The following KREMEN1 variants were observed in gnomAD, a reference collection of about 807,000 sequenced individuals.
KREMEN1 encodes the protein kremen protein 1.
In KREMEN1, 30 loss-of-function variants were observed where a neutral mutation model predicts 46.5. The ratio of observed to expected loss-of-function variants is 0.65; its 90% CI spans 0.48 to 0.88. The LOEUF is 0.88. Among genes scored for constraint, KREMEN1 ranks in the 40% least tolerant of loss-of-function variants. The pLI is 0.00. For missense variants in KREMEN1, 533 were observed against 596.9 expected, an observed-to-expected ratio of 0.89 and a Z score of 1.11; for synonymous variants, 214 against 230.6, an observed-to-expected ratio of 0.93 and a Z score of 0.65.
At chr22:29,167,418 G>A in exon 10 of KREMEN1, 1 of 337,722 alleles carries the variant, frequency 3.0e-6, no homozygotes, top group Non-Finnish European at 5.6e-6. Flanking sequence ...AGAACTGTGT[G>A]ACTCACTTGA....
At chr22:29,116,207 T>C (rs1435259950) in intron 3 of KREMEN1, among the ~76,000 whole-genome samples, 6 of 152,142 alleles carry the variant, frequency 3.9e-5, no homozygotes, top group Admixed American at 3.3e-4. Flanking sequence ...GTTTGCTAAC[T>C]AGATTAGAGT....
chr22:29,079,130 A>G (rs990545114), intron 1 of KREMEN1, among the ~76,000 whole-genome samples: 1 of 152,356 alleles, frequency 6.6e-6, no homozygotes, highest in African/African-American at 2.4e-5. Flanking sequence ...GAAAGAGGCC[A>G]TCGCAAAAAA....
chr22:29,081,293 A>G lies in KREMEN1; in HGVS notation c.97+8066A>G, dbSNP rs543566036. ...GTGTTTCAGAAACCTTAATTCAGTA[A>G]GGGGGTCTGTGATTCACTGTGTCTT... is the stretch of plus-strand genomic sequence containing the variant. On this transcript the variant is annotated intron_variant, in intron 1 of 8. Transcript: ENST00000400335. Among the ~76,000 whole-genome samples, 571 of 152,244 alleles carry G rather than the reference A, an allele frequency of 3.8e-3. 1 individual carries two copies. The highest frequency in any genetic ancestry group is 0.017 in the Middle Eastern group (5 of 294).
At chr22:29,123,964 A>T (rs965656883) in intron 4 of KREMEN1, among the ~76,000 whole-genome samples, 2 of 152,214 alleles carry the variant, frequency 1.3e-5, no homozygotes, top group African/African-American at 4.8e-5. Flanking sequence ...TGGGACTTTC[A>T]TATATTGTTG....
At chr22:29,166,847 C>T (rs900763968) in intron 9 of KREMEN1, among the ~76,000 whole-genome samples, 3 of 152,152 alleles carry the variant, frequency 2.0e-5, no homozygotes, top group African/African-American at 7.2e-5. Context: ...GCAGGAAGAT[C>T]GCTGGAGTCC....
intron 2 of KREMEN1, 100 bp downstream of exon 2, chr22:29,094,520 ACCAAC>A: frequency 4.8e-6 from 5 of 1,031,906 alleles, no homozygotes; most frequent in Non-Finnish European, 7.0e-6. Flanking sequence ...AAGTCTTTTG[ACCAAC>A]TCAAGAGACT....
At chr22:29,094,074 T>C (rs2037840927) in intron 1 of KREMEN1, among the ~76,000 whole-genome samples, 184 bp from the exon 2 acceptor site, 1 of 152,220 alleles carries the variant, frequency 6.6e-6, no homozygotes, top group South Asian at 2.1e-4. Context: ...TTAGCCTAGC[T>C]TTTTGAGGGT....
At chr22:29,122,532 A>C (rs1325752435) in intron 4 of KREMEN1, among the ~76,000 whole-genome samples, 1 of 152,238 alleles carries the variant, frequency 6.6e-6, no homozygotes, top group African/African-American at 2.4e-5. Flanking sequence ...AGCATTATTC[A>C]TAATAGCTCC....
intron 1 of KREMEN1, among the ~76,000 whole-genome samples, chr22:29,081,386 A>G (rs1192647020): frequency 6.6e-6 from 1 of 152,228 alleles, no homozygotes; most frequent in African/African-American, 2.4e-5. Context: ...AGATTCAGAC[A>G]AACACCAAAT....
At chr22:29,124,549 GTGA>G in intron 4 of KREMEN1, among the ~76,000 whole-genome samples, 1 of 151,678 alleles carries the variant, frequency 6.6e-6, no homozygotes, top group South Asian at 2.1e-4. Flanking sequence ...CTGCAGTGCA[GTGA>G]TGCAGTCTCG....
At chr22:29,081,766 A>C (rs1292505054) in intron 1 of KREMEN1, among the ~76,000 whole-genome samples, 1 of 152,200 alleles carries the variant, frequency 6.6e-6, no homozygotes, top group African/African-American at 2.4e-5. Context: ...AGTACTTATC[A>C]AATTCCTCCT....
At chr22:29,157,966 C>T (rs973406132) in intron 9 of KREMEN1, among the ~76,000 whole-genome samples, 1 of 152,184 alleles carries the variant, frequency 6.6e-6, no homozygotes, top group African/African-American at 2.4e-5. Flanking sequence ...TTACAGGTCA[C>T]ATGGTCTCAC....
At chr22:29,082,844 T>G (rs1238151114) in intron 1 of KREMEN1, among the ~76,000 whole-genome samples, 1 of 152,236 alleles carries the variant, frequency 6.6e-6, no homozygotes. Flanking sequence ...TTTGTTTTTG[T>G]GTTTTCTTTA....
chr22:29,150,225 G>A (rs868838247), downstream of KREMEN1, among the ~76,000 whole-genome samples: 4 of 152,210 alleles, frequency 2.6e-5, no homozygotes, highest in East Asian at 1.9e-4. Context: ...AACTGGTGGG[G>A]GGGGGGGCAG....
chr22:29,163,282 T>C (rs2039028068), intron 9 of KREMEN1, among the ~76,000 whole-genome samples: 1 of 152,190 alleles, frequency 6.6e-6, no homozygotes, highest in Non-Finnish European at 1.5e-5. Context: ...TCCGCCATGC[T>C]TGTAAGTTTC....
intron 2 of KREMEN1, among the ~76,000 whole-genome samples, chr22:29,095,994 T>C (rs2037877787): frequency 6.6e-6 from 1 of 152,190 alleles, no homozygotes; most frequent in African/African-American, 2.4e-5. Context: ...GACAACCAAT[T>C]TGGGTATTTG....
intron 1 of KREMEN1, among the ~76,000 whole-genome samples, chr22:29,080,903 G>GCAT (rs2037642892): frequency 6.7e-6 from 1 of 149,028 alleles, no homozygotes; most frequent in Non-Finnish European, 1.5e-5. Flanking sequence ...TAGCACTGAG[G>GCAT]TTGAGAAACC....
At chr22:29,161,550 A>G (rs2039012773) in intron 9 of KREMEN1, among the ~76,000 whole-genome samples, 1 of 151,932 alleles carries the variant, frequency 6.6e-6, no homozygotes, top group South Asian at 2.1e-4. Flanking sequence ...ATTGGTACTA[A>G]AAAACTTACC....
chr22:29,144,513 T>C lies in KREMEN1; in HGVS notation c.*2401T>C. 1 of 985,444 alleles carries C rather than the reference T, an allele frequency of 1.0e-6. No individual in the cohort carries two copies. The highest frequency in any genetic ancestry group is 1.7e-5 in the African/African-American group (1 of 57,342). The allele number at this position is 985,444 out of a possible 1,614,324, so 61.0% of individuals were successfully genotyped here. Reference sequence around the variant, plus strand: ...AAGAGCAGCTGTCCGCAGGCCTCTGTCTCCAAGAGGCCTGTCACACAGGAG... The same window carrying C: ...AAGAGCAGCTGTCCGCAGGCCTCTGCCTCCAAGAGGCCTGTCACACAGGAG... On this transcript the variant is annotated 3_prime_UTR_variant, in exon 9 of 9. Coordinates refer to ENST00000400335, the MANE Select transcript of KREMEN1 (RefSeq NM_001039570.3).
Sources: allele counts gnomAD v4.1 joint callset (sites outside exome capture counted in the v4.1 genomes callset), GRCh38; gene constraint gnomAD v4.1.1; transcripts MANE v1.5; gene names NCBI Gene and HGNC (gene_info 2026-07-23, HGNC 2026-07-21).